FHOD3: variants seen among roughly 807,000 people sequenced by gnomAD.
The protein encoded by FHOD3 is formin homology 2 domain containing 3.
Under a neutral mutation model 173.0 loss-of-function variants are expected in FHOD3, and 90 were observed. The observed-to-expected ratio is 0.52, with a 90% CI of 0.44 to 0.62. FHOD3 has a LOEUF of 0.62. Ranked by LOEUF, FHOD3 falls within the 20% of genes least tolerant of loss-of-function variation. The pLI, the probability that FHOD3 is intolerant of heterozygous loss-of-function variation, is 0.00. For missense variants in FHOD3, 1,945 were observed against 2,034.7 expected (o/e 0.96, Z 0.85); for synonymous variants, 828 against 823.0 (o/e 1.01, Z -0.10).
At chr18:36,609,565 A>G (rs779990004) in intron 8 of FHOD3, among the ~76,000 whole-genome samples, 6 of 148,448 alleles carry the variant, frequency 4.0e-5, no homozygotes, top group African/African-American at 1.0e-4. Context: ...TTCAGGGCCT[A>G]TTACTGAGCA....
At chr18:36,512,053 G>A (rs1033585532) in intron 4 of FHOD3, among the ~76,000 whole-genome samples, 4 of 152,216 alleles carry the variant, frequency 2.6e-5, no homozygotes, top group Non-Finnish European at 5.9e-5. Flanking sequence ...GATAGTCTTT[G>A]CTGCAATCAA....
At chr18:36,455,521 G>A (rs2144517677) in intron 3 of FHOD3, among the ~76,000 whole-genome samples, 1 of 151,640 alleles carries the variant, frequency 6.6e-6, no homozygotes, top group South Asian at 2.1e-4. Context: ...ATTTTATTAG[G>A]AGAGATTTAT....
At chr18:36,456,177 G>A (rs1281309747) in intron 3 of FHOD3, among the ~76,000 whole-genome samples, 5 of 152,112 alleles carry the variant, frequency 3.3e-5, no homozygotes. Flanking sequence ...TGGGCCCCTG[G>A]TGCAATTATA....
At chr18:36,659,393 A>G (rs2036629784) in intron 14 of FHOD3, among the ~76,000 whole-genome samples, 1 of 152,212 alleles carries the variant, frequency 6.6e-6, no homozygotes, top group Admixed American at 6.5e-5. Flanking sequence ...ACCTGTCTGT[A>G]GTTCTGTCCT....
Position 36,538,166 on chromosome 18 carries a change from A to T in FHOD3, c.511+25623A>T, listed in dbSNP as rs1007302395. On this transcript the variant is annotated intron_variant, in intron 5 of 28. Coordinates refer to ENST00000590592, the MANE Select transcript of FHOD3 (RefSeq NM_001281740.3). The stretch of plus-strand genomic sequence containing the variant: ...TTGAGTGAAAATACAACATATCAAA[A>T]CTTATGGGATGCAGCAAAAGCAGTG... Among the ~76,000 whole-genome samples the T allele has an allele frequency of 2.6e-5, 4 of 152,344 alleles. No individual in the cohort carries two copies. In the East Asian group the frequency reaches 7.7e-4, roughly 29 times the overall value.
At chr18:36,600,319 G>T (rs1360432086) in intron 7 of FHOD3, among the ~76,000 whole-genome samples, 1 of 148,636 alleles carries the variant, frequency 6.7e-6, no homozygotes, top group Non-Finnish European at 1.5e-5. Flanking sequence ...ACATTGTGGG[G>T]AGTTAACAAA....
intron 1 of FHOD3, among the ~76,000 whole-genome samples, chr18:36,317,792 G>A (rs958308840): frequency 2.0e-5 from 3 of 152,162 alleles, no homozygotes; most frequent in Admixed American, 1.3e-4. Context: ...TAGTCATGAA[G>A]TCTTTGCCCA....
At chr18:36,636,545 T>C (rs992383428) in intron 10 of FHOD3, among the ~76,000 whole-genome samples, 3 of 152,154 alleles carry the variant, frequency 2.0e-5, no homozygotes, top group African/African-American at 7.2e-5. Context: ...GAGAGCATAC[T>C]TCCCAAAGAC....
At chr18:36,767,871 C>A (rs895793932) in intron 27 of FHOD3, among the ~76,000 whole-genome samples, 1 of 152,100 alleles carries the variant, frequency 6.6e-6, no homozygotes, top group Non-Finnish European at 1.5e-5. Context: ...GAACTGTGAT[C>A]CACTGTTCCC....
At chr18:36,622,500 C>G (rs2033793747) in intron 9 of FHOD3, among the ~76,000 whole-genome samples, 1 of 152,126 alleles carries the variant, frequency 6.6e-6, no homozygotes, top group African/African-American at 2.4e-5. Flanking sequence ...GATTCTGGAC[C>G]CTACTTGCTC....
intron 19 of FHOD3, among the ~76,000 whole-genome samples, chr18:36,720,358 C>T (rs537832428): frequency 2.0e-5 from 3 of 151,894 alleles, no homozygotes; most frequent in African/African-American, 4.8e-5. Context: ...CTGCCTCCGC[C>T]TCCTGAGTAG....
chr18:36,693,557 G>A, intron 17 of FHOD3, 134 bp downstream of exon 17: 1 of 807,256 alleles, frequency 1.2e-6, no homozygotes, highest in Middle Eastern at 3.7e-4. Context: ...GGGGGAGGGG[G>A]GTTGTGACTG....
chr18:36,726,053 C>T (rs2041048874), intron 19 of FHOD3, among the ~76,000 whole-genome samples: 1 of 151,428 alleles, frequency 6.6e-6, no homozygotes, highest in Non-Finnish European at 1.5e-5. Context: ...AAAAACAAAT[C>T]TTATGGGGAT....
chr18:36,633,482 T>C (rs753722649), intron 10 of FHOD3, among the ~76,000 whole-genome samples: 2 of 152,214 alleles, frequency 1.3e-5, no homozygotes, highest in African/African-American at 2.4e-5. Flanking sequence ...ATTAACTTTG[T>C]ACTGGCTATT....
intron 5 of FHOD3, among the ~76,000 whole-genome samples, chr18:36,543,375 T>C (rs967963530): frequency 6.6e-6 from 1 of 152,194 alleles, no homozygotes; most frequent in African/African-American, 2.4e-5. Context: ...TACATTCCCC[T>C]TTCAGAGAGA....
At chr18:36,410,844 A>G (rs2049323356) in intron 3 of FHOD3, among the ~76,000 whole-genome samples, 1 of 152,134 alleles carries the variant, frequency 6.6e-6, no homozygotes, top group Non-Finnish European at 1.5e-5. Flanking sequence ...CTTAAAAAAT[A>G]GGGTTATTTG....
intron 14 of FHOD3, among the ~76,000 whole-genome samples, chr18:36,677,883 T>C (rs1251221375): frequency 6.6e-6 from 1 of 152,220 alleles, no homozygotes; most frequent in Non-Finnish European, 1.5e-5. Context: ...GATATAGCTT[T>C]CATTTGGGTC....
intron 3 of FHOD3, among the ~76,000 whole-genome samples, chr18:36,470,763 C>G (rs920343711): frequency 6.6e-6 from 1 of 152,192 alleles, no homozygotes; most frequent in Non-Finnish European, 1.5e-5. Flanking sequence ...CCGCTCCGCG[C>G]TGGGATATTG....
intron 16 of FHOD3, among the ~76,000 whole-genome samples, chr18:36,689,910 C>A (rs1385639067): frequency 6.6e-6 from 1 of 152,064 alleles, no homozygotes; most frequent in Non-Finnish European, 1.5e-5. Context: ...GAGAACAGGG[C>A]AGAAGTTAAA....
Sources: allele counts gnomAD v4.1 joint callset (sites outside exome capture counted in the v4.1 genomes callset), GRCh38; gene constraint gnomAD v4.1.1; transcripts MANE v1.5; gene names NCBI Gene and HGNC (gene_info 2026-07-23, HGNC 2026-07-21).